Variants in SPRR2B observed in about 807,000 individuals in gnomAD.
SPRR2B encodes small proline-rich protein 2B.
Under a neutral mutation model 1.0 loss-of-function variants are expected in SPRR2B, and 1 was observed. The observed-to-expected ratio is 1.01, with a 90% CI of 0.36 to 4.77. The LOEUF is 4.77. Ranked by LOEUF, SPRR2B falls within the 30% of genes most tolerant of loss-of-function variation. The pLI is 0.16. For missense variants in SPRR2B, 53 were observed against 88.7 expected (o/e 0.60, Z 1.62); for synonymous variants, 27 against 33.4 (o/e 0.81, Z 0.66).
the SPRR2B span, among the ~76,000 whole-genome samples, chr1:153,079,052 A>G: frequency 1.3e-5 from 2 of 152,180 alleles, no homozygotes; most frequent in Non-Finnish European, 2.9e-5. Context: ...AATGATCACC[A>G]TTCTAATTGG....
the SPRR2B span, among the ~76,000 whole-genome samples, chr1:153,080,825 A>G: frequency 2.0e-5 from 3 of 152,226 alleles, no homozygotes; most frequent in African/African-American, 7.2e-5. Context: ...TCGACAAAAA[A>G]TAAGGTGCAT....
chr1:153,087,479 AATG>A, the SPRR2B span, among the ~76,000 whole-genome samples: 5 of 152,160 alleles, frequency 3.3e-5, no homozygotes, highest in African/African-American at 1.2e-4. Context: ...TCTTGAGAAA[AATG>A]ATGAACTAAG....
chr1:153,080,507 CTT>C, the SPRR2B span, among the ~76,000 whole-genome samples: 3 of 152,040 alleles, frequency 2.0e-5, no homozygotes, highest in Non-Finnish European at 4.4e-5. Context: ...AAACTAAAAA[CTT>C]ATAATCAAAT....
At chr1:153,072,369 T>A (rs923498198), upstream of SPRR2B, among the ~76,000 whole-genome samples, 3 of 152,210 alleles carry the variant, frequency 2.0e-5, no homozygotes, top group Non-Finnish European at 2.9e-5. Flanking sequence ...TTTATAGAAA[T>A]GTACTTAGTC....
the SPRR2B span, among the ~76,000 whole-genome samples, chr1:153,081,452 T>C: frequency 2.0e-5 from 3 of 152,284 alleles, no homozygotes; most frequent in East Asian, 1.9e-4. Context: ...GCCAGCAAAA[T>C]TGTCCTTTAA....
At chr1:153,078,437 T>G in the SPRR2B span, among the ~76,000 whole-genome samples, 1 of 152,336 alleles carries the variant, frequency 6.6e-6, no homozygotes, top group East Asian at 1.9e-4. Flanking sequence ...TATGTATACA[T>G]GTGCCATGTT....
the SPRR2B span, among the ~76,000 whole-genome samples, chr1:153,078,934 C>T: frequency 3.3e-5 from 5 of 152,186 alleles, no homozygotes; most frequent in African/African-American, 9.7e-5. Context: ...TGAGGAATCA[C>T]CACACTGAAT....
chr1:153,078,005 T>C, the SPRR2B span, among the ~76,000 whole-genome samples: 197 of 152,114 alleles, frequency 1.3e-3, 5 homozygotes, highest in East Asian at 0.037. Context: ...CTAATAAACA[T>C]AAATCAGACA....
the SPRR2B span, among the ~76,000 whole-genome samples, chr1:153,087,790 A>C: frequency 6.6e-6 from 1 of 152,226 alleles, no homozygotes. Flanking sequence ...GACAAAACAA[A>C]TTCATAGCTG....
chr1:153,080,648 G>A, the SPRR2B span, among the ~76,000 whole-genome samples: 1 of 152,114 alleles, frequency 6.6e-6, no homozygotes, highest in African/African-American at 2.4e-5. Flanking sequence ...CTGTAACATA[G>A]GATGAGAGTC....
At chr1:153,073,182 G>A (rs1654707017), upstream of SPRR2B, among the ~76,000 whole-genome samples, 1 of 152,188 alleles carries the variant, frequency 6.6e-6, no homozygotes, top group African/African-American at 2.4e-5. Context: ...AGACACTACA[G>A]AAATAGAACT....
the SPRR2B span, among the ~76,000 whole-genome samples, chr1:153,085,787 A>T: frequency 1.7e-4 from 26 of 152,162 alleles, no homozygotes; most frequent in Non-Finnish European, 2.9e-5. Context: ...AGAGAGAAAG[A>T]TCAGGTCACC....
In SPRR2B at chr1:153,070,507, A is replaced by G; in HGVS notation, c.*114T>C. On this transcript the variant is annotated 3_prime_UTR_variant, in exon 2 of 2. Transcript: ENST00000368755. ...TGGGCAGATCACAGGCTAAGGGGAA[A>G]GAAGCTCCCTATGAATCCATGATAA... is the stretch of plus-strand genomic sequence containing the variant. 2.0e-6 allele frequency: 3 copies of G among 1,520,728 alleles called. No homozygotes were observed. In the South Asian group the frequency reaches 3.9e-5, roughly 20 times the overall value. The allele number at this position is 1,520,728 out of a possible 1,614,324, so 94.2% of individuals were successfully genotyped here.
At position 153,070,599 on chromosome 1, in the gene SPRR2B, C is replaced by T; in HGVS notation, c.*22G>A. On this transcript the variant is annotated 3_prime_UTR_variant, in exon 2 of 2. Coordinates refer to ENST00000368755, the MANE Select transcript of SPRR2B (RefSeq NM_001388198.1). ...AGCCAATTATCCTTATCCTCTCATG[C>T]TCCTGATGAATCCTGAAGCTGTTAC... The T allele has an allele frequency of 6.2e-7, 1 of 1,608,388 alleles. No individual in the cohort carries two copies. Among genetic ancestry groups the T allele is most frequent in the Non-Finnish European group, 8.5e-7 (1 of 1,178,014 alleles).
upstream of SPRR2B, among the ~76,000 whole-genome samples, chr1:153,075,997 A>G (rs79816403): frequency 9.6e-3 from 1,465 of 152,306 alleles, 34 homozygotes; most frequent in African/African-American, 0.034. Flanking sequence ...ATAAATAGCA[A>G]TATGTTGATT....
chr1:153,071,396 TA>T (rs1266385194), intron 1 of SPRR2B, among the ~76,000 whole-genome samples, 172 bp downstream of exon 1: 10 of 151,482 alleles, frequency 6.6e-5, no homozygotes, highest in African/African-American at 1.2e-4. Context: ...TATAACTGTA[TA>T]TATTTTTTAA....
the SPRR2B span, among the ~76,000 whole-genome samples, chr1:153,082,158 C>T: frequency 6.6e-6 from 1 of 152,064 alleles, no homozygotes; most frequent in Non-Finnish European, 1.5e-5. Flanking sequence ...AAAATATTTT[C>T]AAGTATACAC....
At chr1:153,085,289 C>A in the SPRR2B span, among the ~76,000 whole-genome samples, 3 of 152,100 alleles carry the variant, frequency 2.0e-5, no homozygotes, top group African/African-American at 7.2e-5. Flanking sequence ...AATAAAACAA[C>A]ACAGGAGCTG....
the SPRR2B span, among the ~76,000 whole-genome samples, chr1:153,083,806 G>T: frequency 6.6e-6 from 1 of 152,216 alleles, no homozygotes; most frequent in African/African-American, 2.4e-5. Context: ...AGAGGTGACA[G>T]AGGCAGCATG....
Sources: gnomAD v4.1 joint callset for allele counts (sites outside exome capture counted in the v4.1 genomes callset) on GRCh38, gnomAD v4.1.1 for gene constraint, MANE v1.5 for transcripts, NCBI Gene and HGNC (gene_info 2026-07-23, HGNC 2026-07-21) for gene names.